Variants in KCNMB2 observed in about 807,000 individuals in gnomAD.
KCNMB2 encodes potassium calcium-activated channel subfamily M regulatory beta subunit 2, also known as calcium-activated potassium channel subunit beta-2.
In KCNMB2, 9 loss-of-function variants were observed where a neutral mutation model predicts 24.5. That is an observed-to-expected ratio of 0.37 (90% CI 0.22 to 0.64). The LOEUF is 0.64. Ranked by LOEUF, KCNMB2 falls within the 30% of genes least tolerant of loss-of-function variation. KCNMB2 has a pLI of 0.63. For missense variants in KCNMB2, 226 were observed against 284.3 expected, an observed-to-expected ratio of 0.79 and a Z score of 1.47; for synonymous variants, 109 against 104.4, an observed-to-expected ratio of 1.04 and a Z score of -0.27.
chr3:178,584,159 T>C (rs1259958268), intron 1 of KCNMB2, among the ~76,000 whole-genome samples: 1 of 152,248 alleles, frequency 6.6e-6, no homozygotes, highest in African/African-American at 2.4e-5. Flanking sequence ...ATGAAACGGA[T>C]AGCTCATGCA....
intron 1 of KCNMB2, among the ~76,000 whole-genome samples, chr3:178,731,150 T>A (rs1249688257): frequency 6.6e-6 from 1 of 152,080 alleles, no homozygotes; most frequent in African/African-American, 2.4e-5. Flanking sequence ...CAGAGCCAAG[T>A]GGGAGCCTAT....
intron 2 of KCNMB2, among the ~76,000 whole-genome samples, chr3:178,808,927 A>G (rs1340840602): frequency 6.6e-6 from 1 of 152,198 alleles, no homozygotes; most frequent in African/African-American, 2.4e-5. Flanking sequence ...CAGAAGGCAA[A>G]TAATGTTGCC....
chr3:178,690,098 A>G (rs562481563), intron 1 of KCNMB2, among the ~76,000 whole-genome samples: 6 of 152,350 alleles, frequency 3.9e-5, no homozygotes, highest in African/African-American at 9.6e-5. Flanking sequence ...TGAAGTAGAA[A>G]GCCAAGTGAA....
chr3:178,782,594 G>C (rs1712904909), intron 1 of KCNMB2, among the ~76,000 whole-genome samples: 1 of 146,356 alleles, frequency 6.8e-6, no homozygotes, highest in South Asian at 2.3e-4. Context: ...GTCTTCTTTT[G>C]AGAAGTGTCT....
chr3:178,756,978 A>G (rs1416041178), intron 1 of KCNMB2: 2 of 151,874 alleles, frequency 1.3e-5, no homozygotes, highest in Non-Finnish European at 2.9e-5. Context: ...AAGTACAAAA[A>G]TGGGAAGAAG....
chr3:178,544,181 T>C (rs1276105354), intron 1 of KCNMB2, among the ~76,000 whole-genome samples: 1 of 152,166 alleles, frequency 6.6e-6, no homozygotes, highest in Non-Finnish European at 1.5e-5. Flanking sequence ...AAAAAAATCA[T>C]ACACCTCAGA....
chr3:178,701,976 T>C (rs1722114031), intron 1 of KCNMB2, among the ~76,000 whole-genome samples: 2 of 152,094 alleles, frequency 1.3e-5, no homozygotes, highest in African/African-American at 2.4e-5. Flanking sequence ...TAAAGACACA[T>C]GCACACGTAC....
chr3:178,615,407 A>T (rs1405684257), intron 1 of KCNMB2, among the ~76,000 whole-genome samples: 1 of 152,200 alleles, frequency 6.6e-6, no homozygotes, highest in East Asian at 1.9e-4. Context: ...GCTATCCAGG[A>T]GTCAGGGACC....
chr3:178,701,503 T>C (rs1408170576), intron 1 of KCNMB2, among the ~76,000 whole-genome samples: 2 of 152,082 alleles, frequency 1.3e-5, no homozygotes, highest in Admixed American at 1.3e-4. Context: ...AGAAAGTCAT[T>C]GGTAGCTTGA....
At chr3:178,742,982 G>C (rs1723544429) in intron 1 of KCNMB2, among the ~76,000 whole-genome samples, 1 of 152,090 alleles carries the variant, frequency 6.6e-6, no homozygotes, top group Admixed American at 6.6e-5. Context: ...ATGATTTTTT[G>C]AGTCTGTGGC....
intron 1 of KCNMB2, among the ~76,000 whole-genome samples, chr3:178,594,253 T>C (rs1717785408): frequency 6.6e-6 from 1 of 152,060 alleles, no homozygotes; most frequent in African/African-American, 2.4e-5. Flanking sequence ...ATCTGTTTTG[T>C]ATTTTAAAGG....
At chr3:178,704,675 A>C (rs1577111899) in intron 1 of KCNMB2, among the ~76,000 whole-genome samples, 2 of 152,308 alleles carry the variant, frequency 1.3e-5, no homozygotes, top group South Asian at 4.1e-4. Flanking sequence ...ACAAGAAAGC[A>C]ATCACCTTAC....
chr3:178,587,486 C>T (rs1196050489), intron 1 of KCNMB2, among the ~76,000 whole-genome samples: 1 of 152,032 alleles, frequency 6.6e-6, no homozygotes, highest in African/African-American at 2.4e-5. Flanking sequence ...TGCAATGGTG[C>T]CATCTTGGCT....
At chr3:178,550,922 G>A (rs1715932029) in intron 1 of KCNMB2, among the ~76,000 whole-genome samples, 1 of 152,116 alleles carries the variant, frequency 6.6e-6, no homozygotes, top group Non-Finnish European at 1.5e-5. Context: ...AGATGAGAGT[G>A]GGTAATCATG....
At chr3:178,683,056 T>C (rs1276920019) in intron 1 of KCNMB2, among the ~76,000 whole-genome samples, 1 of 152,084 alleles carries the variant, frequency 6.6e-6, no homozygotes, top group African/African-American at 2.4e-5. Context: ...ATTGCAACAC[T>C]ATTCACCATG....
At chr3:178,611,384 G>T (rs917522684) in intron 1 of KCNMB2, among the ~76,000 whole-genome samples, 2 of 151,964 alleles carry the variant, frequency 1.3e-5, no homozygotes, top group Non-Finnish European at 2.9e-5. Context: ...TCCGGCTAAA[G>T]GTTGGTCAAC....
intron 1 of KCNMB2, among the ~76,000 whole-genome samples, chr3:178,777,160 G>A (rs1392296890): frequency 6.6e-5 from 10 of 152,116 alleles, no homozygotes; most frequent in Admixed American, 5.9e-4. Context: ...TGTTGGCCAG[G>A]CACGGTGGCT....
chr3:178,778,070 T>G (rs12634309), intron 1 of KCNMB2, among the ~76,000 whole-genome samples: 21,415 of 152,242 alleles, frequency 0.14, 1,837 homozygotes, highest in Admixed American at 0.18. Flanking sequence ...ACACAATGAC[T>G]ATTTTTTTAC....
At chr3:178,726,595 A>G (rs1218270283) in intron 1 of KCNMB2, among the ~76,000 whole-genome samples, 1 of 151,726 alleles carries the variant, frequency 6.6e-6, no homozygotes, top group Non-Finnish European at 1.5e-5. Flanking sequence ...ATTTCTTTAG[A>G]TATTTTTTAG....
Sources: gnomAD v4.1 joint callset for allele counts (sites outside exome capture counted in the v4.1 genomes callset) on GRCh38, gnomAD v4.1.1 for gene constraint, MANE v1.5 for transcripts, NCBI Gene and HGNC (gene_info 2026-07-23, HGNC 2026-07-21) for gene names.